CNTN4: variants seen among roughly 807,000 people sequenced by gnomAD.
CNTN4 encodes contactin 4, also known as contactin-4.
Under a neutral mutation model 122.5 loss-of-function variants are expected in CNTN4, and 77 were observed. The ratio of observed to expected loss-of-function variants is 0.63; its 90% confidence interval spans 0.52 to 0.76. The LOEUF (loss-of-function observed/expected upper bound fraction) is 0.76, where lower values mean the gene tolerates loss of function less well. Ranked by LOEUF, CNTN4 falls within the 30% of genes least tolerant of loss-of-function variation. CNTN4 has a pLI of 0.00. For missense variants in CNTN4, 1,256 were observed against 1,259.1 expected, an observed-to-expected ratio of 1.00 and a Z score of 0.04; for synonymous variants, 512 against 447.0, an observed-to-expected ratio of 1.15 and a Z score of -1.83.
At chr3:2,628,180 A>G (rs947140575) in intron 4 of CNTN4, among the ~76,000 whole-genome samples, 1 of 152,184 alleles carries the variant, frequency 6.6e-6, no homozygotes, top group African/African-American at 2.4e-5. Flanking sequence ...GAGGAGCCTC[A>G]GCATATTAAG....
rs572771671 is a variant in CNTN4 at position 3,023,853 on chromosome 3, A to G, written c.1487-2249A>G. ...GTGTAAATTGCTGTATTATGCCCTT[A>G]GACTTATTCCTGCATGATTTGCATG... On this transcript the variant is annotated intron_variant, in intron 14 of 24. Transcript: ENST00000418658. 3.3e-5 allele frequency among the ~76,000 whole-genome samples: 5 copies of G among 152,336 alleles called. No individual in the cohort carries two copies. The East Asian group carries it at 9.6e-4, about 29-fold the overall frequency.
intron 5 of CNTN4, among the ~76,000 whole-genome samples, chr3:2,738,241 A>T (rs1380878647): frequency 6.6e-6 from 1 of 152,228 alleles, no homozygotes; most frequent in African/African-American, 2.4e-5. Flanking sequence ...TTATCATAAA[A>T]GTAACCAAAC....
intron 14 of CNTN4, among the ~76,000 whole-genome samples, chr3:3,021,106 G>A (rs985076281): frequency 6.6e-6 from 1 of 152,170 alleles, no homozygotes; most frequent in Non-Finnish European, 1.5e-5. Flanking sequence ...CATGTACTTA[G>A]TAGCTGATTT....
At position 2,736,331 on chromosome 3, in the gene CNTN4, C is replaced by A. The variant is rs747428832; in HGVS notation, c.172C>A (p.Pro58Thr). Residue 58 changes from proline (P) to threonine (T), a missense_variant, in exon 5 of 25, where the codon CCT becomes ACT. Coordinates refer to ENST00000418658, the MANE Select transcript of CNTN4 (RefSeq NM_175607.3). Reference protein sequence around the residue: ...LNCEVKGNPKPHIRWKLNGTD... With the variant: ...LNCEVKGNPKTHIRWKLNGTD... The stretch of plus-strand genomic sequence containing the variant: ...TTGTGAAGTTAAAGGAAATCCAAAA[C>A]CTCATATCAGGTTTGTTGATGTAAA... 8 of 1,613,628 alleles carry A rather than the reference C, an allele frequency of 5.0e-6. No individual in the cohort carries two copies. The East Asian group carries it at 1.8e-4, about 36-fold the overall frequency.
At chr3:2,112,866 T>C (rs1024886787) in intron 2 of CNTN4, among the ~76,000 whole-genome samples, 1 of 152,148 alleles carries the variant, frequency 6.6e-6, no homozygotes, top group African/African-American at 2.4e-5. Flanking sequence ...ATAGATCTGA[T>C]TATGGCCTTG....
chr3:2,236,667 T>C (rs766664637), intron 2 of CNTN4, among the ~76,000 whole-genome samples: 1 of 152,224 alleles, frequency 6.6e-6, no homozygotes, highest in Non-Finnish European at 1.5e-5. Context: ...TGTGTCCAAA[T>C]GGGACATTAA....
chr3:2,437,315 C>T (rs1029311985), intron 3 of CNTN4, among the ~76,000 whole-genome samples: 15 of 152,080 alleles, frequency 9.9e-5, no homozygotes, highest in Non-Finnish European at 2.1e-4. Context: ...AAACCTACTC[C>T]ATTAGTGTCC....
chr3:2,545,821 C>T (rs539795019), intron 3 of CNTN4, among the ~76,000 whole-genome samples: 3 of 151,972 alleles, frequency 2.0e-5, no homozygotes, highest in African/African-American at 7.2e-5. Context: ...CTTTGTTATC[C>T]ACCTTGCCAC....
chr3:2,221,384 CCATATA>C (rs1419819762), intron 2 of CNTN4, among the ~76,000 whole-genome samples: 2 of 151,876 alleles, frequency 1.3e-5, no homozygotes, highest in Non-Finnish European at 2.9e-5. Context: ...CTACCTCACA[CCATATA>C]CAAATACTAA....
intron 2 of CNTN4, among the ~76,000 whole-genome samples, chr3:2,252,551 A>G (rs2040419165): frequency 6.6e-6 from 1 of 152,104 alleles, no homozygotes; most frequent in Non-Finnish European, 1.5e-5. Flanking sequence ...TGGAAAGCAA[A>G]GGTAACTCTT....
At chr3:2,250,305 C>T (rs1267797237) in intron 2 of CNTN4, among the ~76,000 whole-genome samples, 1 of 151,796 alleles carries the variant, frequency 6.6e-6, no homozygotes, top group Non-Finnish European at 1.5e-5. Flanking sequence ...TGACTAGAAC[C>T]CAGATTTTCT....
At chr3:2,817,641 T>C (rs2092768022) in intron 6 of CNTN4, among the ~76,000 whole-genome samples, 1 of 152,212 alleles carries the variant, frequency 6.6e-6, no homozygotes, top group Non-Finnish European at 1.5e-5. Flanking sequence ...ACTATTTCTC[T>C]AATCAGAAAC....
At chr3:2,311,408 A>C (rs1575342051) in intron 2 of CNTN4, among the ~76,000 whole-genome samples, 1 of 152,144 alleles carries the variant, frequency 6.6e-6, no homozygotes, top group Non-Finnish European at 1.5e-5. Flanking sequence ...ATCAAACAGA[A>C]TCATACTTGA....
At chr3:2,426,590 GAGTTAGGGAGGATTCCTTCTTTTTCTA>G (rs1294362979) in intron 3 of CNTN4, among the ~76,000 whole-genome samples, 4 of 152,184 alleles carry the variant, frequency 2.6e-5, no homozygotes, top group Non-Finnish European at 5.9e-5. Context: ...CTCATAAAAT[GAGTTAGGGAGGATTCCTTCTTTTTCTA>G]TTGATTGGAA....
chr3:2,178,416 G>C (rs2036851076), intron 2 of CNTN4, among the ~76,000 whole-genome samples: 1 of 151,818 alleles, frequency 6.6e-6, no homozygotes, highest in South Asian at 2.1e-4. Context: ...AGTAGTGTTT[G>C]CTTTAATAGA....
At chr3:2,434,255 T>C (rs2048181552) in intron 3 of CNTN4, among the ~76,000 whole-genome samples, 1 of 152,186 alleles carries the variant, frequency 6.6e-6, no homozygotes, top group African/African-American at 2.4e-5. Flanking sequence ...CTTCACATTG[T>C]ACCCCACAAA....
At chr3:2,844,489 G>A (rs943611763) in intron 7 of CNTN4, among the ~76,000 whole-genome samples, 6 of 152,096 alleles carry the variant, frequency 3.9e-5, no homozygotes, top group African/African-American at 9.7e-5. Flanking sequence ...CAGCTGTTCC[G>A]GTAAGGACGC....
chr3:2,133,621 G>T (rs910743951), intron 2 of CNTN4, among the ~76,000 whole-genome samples: 1 of 152,014 alleles, frequency 6.6e-6, no homozygotes, highest in African/African-American at 2.4e-5. Context: ...AAAATTTTAG[G>T]TAGTAACATT....
At chr3:2,576,025 C>CG (rs1295823011) in intron 4 of CNTN4, among the ~76,000 whole-genome samples, 2 of 151,848 alleles carry the variant, frequency 1.3e-5, no homozygotes, top group South Asian at 2.1e-4. Context: ...TTAGTAGAGA[C>CG]GGGGTTTCAC....
Sources: allele counts gnomAD v4.1 joint callset (sites outside exome capture counted in the v4.1 genomes callset), GRCh38; gene constraint gnomAD v4.1.1; transcripts MANE v1.5; gene names NCBI Gene and HGNC (gene_info 2026-07-23, HGNC 2026-07-21).